Variants in ZNF749 observed in about 807,000 individuals in gnomAD.
ZNF749 encodes zinc finger protein 749.
A neutral mutation model predicts 7.3 loss-of-function variants in ZNF749; 8 were observed. The observed-to-expected ratio is 1.10, with a 90% CI of 0.64 to 1.98. The LOEUF is 1.98. Ranked by LOEUF, ZNF749 falls within the 30% of genes most tolerant of loss-of-function variation. The pLI is 0.00. For missense variants in ZNF749, 898 were observed against 932.4 expected (o/e 0.96, Z 0.48); for synonymous variants, 310 against 322.4 (o/e 0.96, Z 0.41).
Position 57,446,023 on chromosome 19 carries a change from T to C in ZNF749, c.*538T>C, listed in dbSNP as rs1308905060. ...AACTGTACTGTTCAGTAGTGTTAAG[T>C]CATTCGCATTGTTGTCAATTAATAT... On this transcript the variant is annotated 3_prime_UTR_variant, in exon 3 of 3. Coordinates refer to ENST00000334181, the MANE Select transcript of ZNF749 (RefSeq NM_001023561.4). 5.9e-5 allele frequency among the ~76,000 whole-genome samples: 9 copies of C among 152,342 alleles called. No homozygotes were observed. Among genetic ancestry groups the C allele is most frequent in the African/African-American group, 1.9e-4 (8 of 41,578 alleles).
Position 57,444,671 on chromosome 19 carries a change from A to G in ZNF749, c.1523A>G (p.Glu508Gly). The change falls in exon 3 of 3, where the codon GAA becomes GGA. Residue 508 changes from glutamate to glycine, a missense_variant. Glu to Gly is a moderately conservative substitution (Grantham distance 98, BLOSUM62 -2). Transcript: ENST00000334181. ...GGTCACCAGAAAATCCATACTGGAG[A>G]ACGGCCTTATGAATGCACTCAATGT... ...LVGHQKIHTG[E>G]RPYECTQCAK... The G allele has an allele frequency of 6.2e-7, 1 of 1,613,746 alleles. No homozygotes were observed. The highest frequency in any genetic ancestry group is 8.5e-7 in the Non-Finnish European group (1 of 1,179,946).
Position 57,443,797 on chromosome 19 carries a change from A to G in ZNF749, c.649A>G (p.Thr217Ala), listed in dbSNP as rs1014207330. ...HQHGLFEHQK[T>A]HNGERPYEFS... is the part of the protein sequence containing the mutation. ...ACATGGGCTGTTTGAGCACCAAAAA[A>G]CCCATAATGGGGAGAGGCCTTATGA... The change falls in exon 3 of 3, where the codon ACC (threonine) becomes GCC (alanine). Residue 217 changes from threonine (T) to alanine (A), a missense_variant. By Grantham distance (58) the Thr-to-Ala change is moderately conservative. Transcript: ENST00000334181. 6.2e-7 allele frequency: 1 copy of G among 1,614,140 alleles called. No homozygotes were observed. Among genetic ancestry groups the G allele is most frequent in the African/African-American group, 1.3e-5 (1 of 75,006 alleles).
upstream of ZNF749, among the ~76,000 whole-genome samples, chr19:57,435,109 G>T (rs565561231): frequency 5.9e-5 from 9 of 152,286 alleles, no homozygotes; most frequent in Middle Eastern, 6.8e-3. Context: ...GCTCCTCCAG[G>T]AGCCTCCAGC....
At chr19:57,437,502 G>A (rs1328406872) in intron 1 of ZNF749, among the ~76,000 whole-genome samples, 1 of 151,986 alleles carries the variant, frequency 6.6e-6, no homozygotes, top group East Asian at 1.9e-4. Flanking sequence ...AAGGTGGGCG[G>A]ATCACGAGGT....
chr19:57,430,869 G>A (rs1197032400), upstream of ZNF749, among the ~76,000 whole-genome samples: 8 of 151,836 alleles, frequency 5.3e-5, no homozygotes, highest in Non-Finnish European at 1.2e-4. Flanking sequence ...GTGAAACCCC[G>A]TCTTTACTAA....
At chr19:57,431,989 TTTTTTAGTAAAGATGGAG>T (rs1215763640), upstream of ZNF749, among the ~76,000 whole-genome samples, 1 of 151,980 alleles carries the variant, frequency 6.6e-6, no homozygotes, top group Non-Finnish European at 1.5e-5. Flanking sequence ...CAATTTTGTA[TTTTTTAGTAAAGATGGAG>T]TTTTTAGTAA....
intron 1 of ZNF749, among the ~76,000 whole-genome samples, chr19:57,440,930 C>A (rs1328042007): frequency 6.6e-6 from 1 of 151,720 alleles, no homozygotes; most frequent in African/African-American, 2.4e-5. Flanking sequence ...GTTCGAGACC[C>A]GCCTGCCCAA....
In ZNF749 at chr19:57,445,137, T is replaced by C. The variant is rs760414007; in HGVS notation, c.1989T>C (p.Thr663=). The change falls in exon 3 of 3, where the codon ACT becomes ACC. Residue 663 remains threonine, a synonymous_variant. Coordinates refer to ENST00000334181, the MANE Select transcript of ZNF749 (RefSeq NM_001023561.4). ...TCATTATTCATCAGAGAGTTCATACTGGAGAAAAGCCTTATGAATGCAGCA... is the reference window on the plus strand; with the variant it reads ...TCATTATTCATCAGAGAGTTCATACCGGAGAAAAGCCTTATGAATGCAGCA... The part of the protein sequence containing the change: ...YKLIIHQRVH[T]GEKPYECSNC... The C allele has an allele frequency of 1.9e-6, 3 of 1,614,116 alleles. No homozygotes were observed. Among genetic ancestry groups the C allele is most frequent in the Non-Finnish European group, 2.5e-6 (3 of 1,180,010 alleles).
chr19:57,442,112 C>A lies in ZNF749; in HGVS notation c.142+101C>A. 1 of 1,466,462 alleles carries A rather than the reference C, an allele frequency of 6.8e-7. No homozygotes were observed. The allele number at this position is 1,466,462 out of a possible 1,614,324, so 90.8% of individuals were successfully genotyped here. A position where few individuals can be genotyped will look rare whatever the true frequency, so the allele number is the denominator to read the frequency against. The stretch of plus-strand genomic sequence containing the variant: ...TTCCCACACCAGATTGTGAGTGCTA[C>A]GTCCTGTCCTCTCCTGGTTTCCTGG... On this transcript the variant is annotated intron_variant, in intron 2 of 2. Transcript: ENST00000334181. The surrounding 1 kb of genome is among the most constrained non-coding windows in gnomAD (Gnocchi z 6.6).
In ZNF749 at chr19:57,436,692, C is replaced by T. The variant is rs2088939510; in HGVS notation, c.15+1099C>T. ...GGGCAGGGCTTTCTCACATCCTCCA[C>T]CACAGTTAAGGGCCTCCAGCAAGCT... On this transcript the variant is annotated intron_variant, in intron 1 of 2. Coordinates refer to ENST00000334181, the MANE Select transcript of ZNF749 (RefSeq NM_001023561.4). This position sits in a 1 kb window ranked among gnomAD's most constrained non-coding sequence, Gnocchi z 4.0. 6.6e-6 allele frequency among the ~76,000 whole-genome samples: 1 copy of T among 152,238 alleles called. No individual in the cohort carries two copies. The highest frequency in any genetic ancestry group is 2.4e-5 in the African/African-American group (1 of 41,464).
At position 57,443,512 on chromosome 19, in the gene ZNF749, CA is replaced by C; in HGVS notation, c.368del (p.Lys123ArgfsTer19). On this transcript the variant is annotated frameshift_variant, in exon 3 of 3. Coordinates refer to ENST00000334181, the MANE Select transcript of ZNF749 (RefSeq NM_001023561.4). LOFTEE classifies it low-confidence loss of function (END_TRUNC). The stretch of plus-strand genomic sequence containing the variant: ...ATGTGCAGCAGAGCATGACCTGCAC[CA>C]AAAGGAGCAGATTAGAGAGAAGCTC... ...YTCAAEHDLH[Q>X]KEQIREKLTR... The C allele has an allele frequency of 2.5e-6, 4 of 1,614,144 alleles. No individual in the cohort carries two copies. The highest frequency in any genetic ancestry group is 3.4e-6 in the Non-Finnish European group (4 of 1,179,984).
chr19:57,429,623 G>C, the ZNF749 span, among the ~76,000 whole-genome samples: 1 of 152,116 alleles, frequency 6.6e-6, no homozygotes, highest in Admixed American at 6.5e-5. This position sits in a 1 kb window ranked among gnomAD's most constrained non-coding sequence, Gnocchi z 4.2. Flanking sequence ...GACTAAAAGT[G>C]TGCCACCACC....
rs2089034307 is a variant in ZNF749, at chr19:57,444,456, G to T, written c.1308G>T (p.Arg436=). The T allele has an allele frequency of 6.2e-7, 1 of 1,613,926 alleles. No individual in the cohort carries two copies. The highest frequency in any genetic ancestry group is 8.5e-7 in the Non-Finnish European group (1 of 1,179,912). The change falls in exon 3 of 3, where the codon CGG becomes CGT. Residue 436 remains arginine (R), a synonymous_variant. Transcript: ENST00000334181. ...VQHLKIHTGE[R]PYECTECEKA... ...ATCTGAAAATTCATACTGGAGAACG[G>T]CCTTATGAGTGCACTGAATGTGAGA...
At chr19:57,438,031 G>T in intron 1 of ZNF749, 3 of 398,556 alleles carry the variant, frequency 7.5e-6, no homozygotes, top group Non-Finnish European at 1.3e-5. Context: ...GGCAGAGATG[G>T]TTGTACAGCT....
chr19:57,429,845 T>C, the ZNF749 span, among the ~76,000 whole-genome samples: 2 of 152,144 alleles, frequency 1.3e-5, no homozygotes, highest in Non-Finnish European at 2.9e-5. The surrounding 1 kb of genome is among the most constrained non-coding windows in gnomAD (Gnocchi z 4.2). Context: ...AAAAGGCACA[T>C]GTTTCTAATT....
At position 57,435,476 on chromosome 19, in the gene ZNF749, G is replaced by T; in HGVS notation, c.-103G>T. On this transcript the variant is annotated 5_prime_UTR_variant, in exon 1 of 3. Transcript: ENST00000334181. ...TCCTTCTACACAGAGGCTAGAGTGC[G>T]GATCGGCTGAGTCGGCTGCAGGCGC... 2.6e-6 allele frequency: 4 copies of T among 1,513,024 alleles called. No homozygotes were observed. Among genetic ancestry groups the T allele is most frequent in the Non-Finnish European group, 3.6e-6 (4 of 1,119,222 alleles). 93.7% of individuals were successfully genotyped at this position (1,513,024 alleles called of 1,614,324 possible).
rs2089056417 is a variant in ZNF749 at position 57,445,589 on chromosome 19, G to T, written c.*104G>T. ...AATATATGTAAATCTAATGTTGAAA[G>T]AGTTCAGATGGAAATCTGCGAGGAT... is the stretch of plus-strand genomic sequence containing the variant. On this transcript the variant is annotated 3_prime_UTR_variant, in exon 3 of 3. Coordinates refer to ENST00000334181, the MANE Select transcript of ZNF749 (RefSeq NM_001023561.4). 2 of 1,485,400 alleles carry T rather than the reference G, an allele frequency of 1.3e-6. No homozygotes were observed. The highest frequency in any genetic ancestry group is 4.9e-5 in the Admixed American group (2 of 40,916). 92.0% of individuals were successfully genotyped at this position (1,485,400 alleles called of 1,614,324 possible).
rs373446932 is a variant in ZNF749, at chr19:57,445,608, C to T, written c.*123C>T. The T allele has an allele frequency of 1.4e-4, 200 of 1,444,492 alleles. No homozygotes were observed. The highest frequency in any genetic ancestry group is 1.6e-4 in the Non-Finnish European group (176 of 1,088,202). 89.5% of individuals were successfully genotyped at this position (1,444,492 alleles called of 1,614,324 possible). A position where few individuals can be genotyped will look rare whatever the true frequency, so the allele number is the denominator to read the frequency against. ...TTGAAAGAGTTCAGATGGAAATCTG[C>T]GAGGATTTCCTGCTGGGAACTACAT... is the stretch of plus-strand genomic sequence containing the variant. On this transcript the variant is annotated 3_prime_UTR_variant, in exon 3 of 3. Coordinates refer to ENST00000334181, the MANE Select transcript of ZNF749 (RefSeq NM_001023561.4).
Position 57,443,294 on chromosome 19 carries a change from G to A in ZNF749, c.146G>A (p.Cys49Tyr), listed in dbSNP as rs1277529667. The change falls in exon 3 of 3, where the codon TGT becomes TAT. Residue 49 changes from cysteine to tyrosine, a missense_variant. By Grantham distance (194) the Cys-to-Tyr change is radical. Coordinates refer to ENST00000334181, the MANE Select transcript of ZNF749 (RefSeq NM_001023561.4). ...ACCAGCATTTCTGTTCTTACAGGTT[G>A]TTGGCATGGAGCCAAGGATGAGGAG... is the stretch of plus-strand genomic sequence containing the variant. ...ENFALLSSVG[C>Y]WHGAKDEEVP... 6.3e-7 allele frequency: 1 copy of A among 1,594,678 alleles called. No individual in the cohort carries two copies. The highest frequency in any genetic ancestry group is 2.2e-5 in the East Asian group (1 of 44,648).
Sources: allele counts gnomAD v4.1 joint callset (sites outside exome capture counted in the v4.1 genomes callset), GRCh38; gene constraint gnomAD v4.1.1; non-coding constraint Gnocchi (gnomAD v3.1); transcripts MANE v1.5; gene names NCBI Gene and HGNC (gene_info 2026-07-23, HGNC 2026-07-21).